DST: variants seen among roughly 807,000 people sequenced by gnomAD.
The protein encoded by DST is bullous pemphigoid antigen.
In DST, 253 loss-of-function variants were observed where a neutral mutation model predicts 875.2. The observed-to-expected ratio is 0.29, with a 90% CI of 0.26 to 0.32. The LOEUF is 0.32. Among genes scored for constraint, DST ranks in the 10% least tolerant of loss-of-function variants. The pLI, the probability that DST is intolerant of heterozygous loss-of-function variation, is 1.00. For synonymous variants in DST, 3,124 were observed against 3,197.1 expected, an observed-to-expected ratio of 0.98 and a Z score of 0.77; for missense variants, 8,287 against 9,111.6, an observed-to-expected ratio of 0.91 and a Z score of 3.68.
chr6:56,529,470 C>T lies in DST; in HGVS notation c.17573G>A (p.Trp5858Ter). The stretch of plus-strand genomic sequence containing the variant: ...TACCCGAAGTTCAGACTGCTGCTTC[C>T]ATAGCCCCTCAGTGCTGTAATCCTG... ...SVQDYSTEGL[W>*]KQQSELRVLQ... The change falls in exon 66 of 104, where the codon TGG becomes TAG. Residue 5858 changes from tryptophan (W) to a stop codon, truncating the protein, a stop_gained. Transcript: ENST00000680361. LOFTEE classifies it high-confidence loss of function. 6.6e-7 allele frequency: 1 copy of T among 1,514,698 alleles called. No homozygotes were observed. The highest frequency in any genetic ancestry group is 8.8e-7 in the Non-Finnish European group (1 of 1,130,074). The allele number at this position is 1,514,698 out of a possible 1,614,324, so 93.8% of individuals were successfully genotyped here. A position where few individuals can be genotyped will look rare whatever the true frequency, so the allele number is the denominator to read the frequency against.
chr6:56,607,307 G>A lies in DST; in HGVS notation c.7321C>T (p.His2441Tyr). The change falls in exon 40 of 104, where the codon CAT (histidine) becomes TAT (tyrosine). Residue 2441 changes from histidine (H) to tyrosine (Y), a missense_variant. This residue lies in a region of DST where 3,138 missense variants were observed against 3,116.6 expected (regional missense o/e 1.01). Transcript: ENST00000680361. ...YSPRLSALLSHDKLMHSQGSF... is the reference protein window; with the variant it reads ...YSPRLSALLSYDKLMHSQGSF... The stretch of plus-strand genomic sequence containing the variant: ...CCCTGACTGTGCATCAATTTATCAT[G>A]ACTTAACAAGGCACTTAGCCTGGGG... The A allele has an allele frequency of 6.2e-7, 1 of 1,613,404 alleles. No homozygotes were observed. Among genetic ancestry groups the A allele is most frequent in the Non-Finnish European group, 8.5e-7 (1 of 1,179,620 alleles).
chr6:56,737,539 C>T (rs139415950), intron 4 of DST, among the ~76,000 whole-genome samples: 27 of 152,320 alleles, frequency 1.8e-4, no homozygotes, highest in African/African-American at 6.5e-4. Context: ...TTGACAGTCA[C>T]ATGTAGCTAA....
At chr6:56,921,736 T>G (rs1382696549) in intron 2 of DST, among the ~76,000 whole-genome samples, 1 of 152,034 alleles carries the variant, frequency 6.6e-6, no homozygotes, top group Non-Finnish European at 1.5e-5. Flanking sequence ...GTGTGCATGC[T>G]CAAATTTATT....
At chr6:56,928,246 CT>C (rs1029632170) in intron 2 of DST, among the ~76,000 whole-genome samples, 25 of 152,280 alleles carry the variant, frequency 1.6e-4, no homozygotes, top group East Asian at 1.2e-3. Context: ...GGGAGTGCTT[CT>C]CCCCACTTCC....
At chr6:56,782,206 C>A (rs947624368) in intron 4 of DST, among the ~76,000 whole-genome samples, 5 of 152,146 alleles carry the variant, frequency 3.3e-5, no homozygotes, top group African/African-American at 7.2e-5. Flanking sequence ...TGTCTCTGCC[C>A]GGCTTTGGGA....
At chr6:56,506,145 T>C (rs1024837308) in intron 77 of DST, among the ~76,000 whole-genome samples, 2 of 152,246 alleles carry the variant, frequency 1.3e-5, no homozygotes, top group Admixed American at 6.5e-5. Flanking sequence ...AAAAACACTG[T>C]GTGAGAACAT....
chr6:56,928,414 G>C (rs1359867291), intron 2 of DST, among the ~76,000 whole-genome samples: 3 of 152,090 alleles, frequency 2.0e-5, no homozygotes, highest in Admixed American at 1.3e-4. Context: ...AGAAAGGTGA[G>C]GTGAAGCTGG....
intron 10 of DST, among the ~76,000 whole-genome samples, chr6:56,656,182 T>C (rs1434635775): frequency 1.3e-5 from 2 of 152,208 alleles, no homozygotes; most frequent in Non-Finnish European, 2.9e-5. Flanking sequence ...TGGACCAGGG[T>C]ACAATGTCAT....
At chr6:56,702,404 T>TAC (rs1563762985) in intron 7 of DST, among the ~76,000 whole-genome samples, 20 of 149,434 alleles carry the variant, frequency 1.3e-4, no homozygotes, top group African/African-American at 5.0e-4. Flanking sequence ...CACACACACA[T>TAC]ATATATATAC....
In DST at chr6:56,530,107, A is replaced by G. The variant is rs1353289862; in HGVS notation, c.17135T>C (p.Val5712Ala). Residue 5712 changes from valine (V) to alanine (A), a missense_variant, in exon 65 of 104, where the codon GTG (valine) becomes GCG (alanine). By Grantham distance (64) the Val-to-Ala change is moderately conservative. Around this residue, in one of 10 missense-constraint regions of DST, gnomAD observed 777 missense variants for 764.8 expected, o/e 1.02. Transcript: ENST00000680361. ...GGTTTCATGAAATTGCTGTGCTACC[A>G]CCGAGATACCTTCCAACTGACGATT... ...TRNRQLEGIS[V>A]VAQQFHETLE... 2.5e-6 allele frequency: 4 copies of G among 1,604,178 alleles called. No individual in the cohort carries two copies. In the South Asian group the frequency reaches 4.5e-5, roughly 18 times the overall value.
chr6:56,532,608 A>G, intron 63 of DST, 98 bp from the exon 64 acceptor site: 1 of 1,158,184 alleles, frequency 8.6e-7, no homozygotes. Context: ...ACAAAAATGT[A>G]TTTTGTATGT....
chr6:56,570,528 G>A (rs982197741), intron 53 of DST, among the ~76,000 whole-genome samples: 2 of 152,040 alleles, frequency 1.3e-5, no homozygotes, highest in Admixed American at 6.6e-5. Context: ...TGCCTCTGAC[G>A]ATCTGACAGG....
At chr6:56,939,315 T>C (rs1815039103) in intron 2 of DST, among the ~76,000 whole-genome samples, 1 of 152,220 alleles carries the variant, frequency 6.6e-6, no homozygotes, top group Middle Eastern at 3.2e-3. Context: ...AAAGAAGATT[T>C]TGGTCCTGAC....
rs745945210 is a variant in DST at position 56,573,853 on chromosome 6, C to G, written c.13062G>C (p.Lys4354Asn). The G allele has an allele frequency of 9.3e-6, 15 of 1,613,134 alleles. No individual in the cohort carries two copies. The Admixed American group carries it at 2.0e-4, about 22-fold the overall frequency. The change falls in exon 51 of 104, where the codon AAG (lysine) becomes AAC (asparagine). Residue 4354 changes from lysine to asparagine, a missense_variant. Around this residue, in one of 10 missense-constraint regions of DST, gnomAD observed 1,513 missense variants for 1,677.8 expected, o/e 0.90. Coordinates refer to ENST00000680361, the MANE Select transcript of DST (RefSeq NM_001374736.1). The stretch of plus-strand genomic sequence containing the variant: ...GTTTTTCATTTCGTTCATTAACAGA[C>G]TTGGACAGATCCTCATATCTCCCAA... ...DIVGRYEDLS[K>N]SVNERNEKLQ...
chr6:56,528,497 T>C (rs1038009218), intron 67 of DST, among the ~76,000 whole-genome samples: 1 of 152,230 alleles, frequency 6.6e-6, no homozygotes, highest in Admixed American at 6.5e-5. Context: ...ATGCGATCTA[T>C]CTTAAAAAGA....
At chr6:56,472,304 TA>T in intron 93 of DST, 82 bp from the exon 94 acceptor site, 1 of 1,248,964 alleles carries the variant, frequency 8.0e-7, no homozygotes. Flanking sequence ...TGCTTCTAGC[TA>T]AGACTGCATC....
chr6:56,913,953 C>T (rs1034360517), intron 2 of DST, among the ~76,000 whole-genome samples: 1 of 152,188 alleles, frequency 6.6e-6, no homozygotes, highest in African/African-American at 2.4e-5. Context: ...AACCCTACTG[C>T]AATCCTTTAT....
intron 9 of DST, among the ~76,000 whole-genome samples, chr6:56,673,489 A>AG (rs1162493198): frequency 6.6e-6 from 1 of 152,188 alleles, no homozygotes; most frequent in African/African-American, 2.4e-5. Flanking sequence ...CCTGTTAACT[A>AG]GGGAAGTCAG....
intron 3 of DST, among the ~76,000 whole-genome samples, chr6:56,870,903 T>C (rs187833810): frequency 2.5e-4 from 38 of 150,672 alleles, no homozygotes; most frequent in Admixed American, 2.5e-3. Flanking sequence ...GAAAAGAGTA[T>C]CAAAAGTAGG....
Sources: gnomAD v4.1 joint callset for allele counts (sites outside exome capture counted in the v4.1 genomes callset) on GRCh38, gnomAD v4.1.1 for gene constraint, gnomAD v4.1.1 regional missense constraint, MANE v1.5 for transcripts, NCBI Gene and HGNC (gene_info 2026-07-23, HGNC 2026-07-21) for gene names.